Variants in SSBP3 observed in about 807,000 individuals in gnomAD.
SSBP3 encodes single-stranded DNA-binding protein 3.
Under a neutral mutation model 69.6 loss-of-function variants are expected in SSBP3, and 5 were observed. The observed-to-expected ratio is 0.07, with a 90% confidence interval of 0.04 to 0.15. SSBP3 has a LOEUF of 0.15. SSBP3 is among the 10% of genes least tolerant of loss of function. SSBP3 has a pLI of 1.00. For missense variants in SSBP3, 312 were observed against 534.0 expected (o/e 0.58, Z 4.10); for synonymous variants, 196 against 193.4 (o/e 1.01, Z -0.11).
intron 13 of SSBP3, 72 bp from the exon 14 acceptor site, chr1:54,239,271 G>T (rs1310981174): frequency 8.3e-7 from 1 of 1,198,088 alleles, no homozygotes; most frequent in Non-Finnish European, 1.2e-6. Flanking sequence ...TCATGGCACT[G>T]GAACTCATTC....
chr1:54,247,895 G>A (rs999466220), intron 9 of SSBP3, among the ~76,000 whole-genome samples: 1 of 152,224 alleles, frequency 6.6e-6, no homozygotes, highest in Non-Finnish European at 1.5e-5. Context: ...TTAGAAAGAA[G>A]AGTTCTAAGT....
chr1:54,242,324 T>C, intron 10 of SSBP3, 112 bp from the exon 11 acceptor site: 1 of 1,293,850 alleles, frequency 7.7e-7, no homozygotes, highest in Non-Finnish European at 1.1e-6. Flanking sequence ...AAGTCCTTCC[T>C]ACAGCCCTGC....
intron 4 of SSBP3, among the ~76,000 whole-genome samples, chr1:54,332,605 A>C (rs552743171): frequency 1.1e-3 from 162 of 152,280 alleles, no homozygotes; most frequent in Non-Finnish European, 2.0e-3. Flanking sequence ...CTAAGAAGTC[A>C]CTTCACCTTC....
chr1:54,372,768 A>G (rs868005256), intron 4 of SSBP3, among the ~76,000 whole-genome samples: 6 of 152,150 alleles, frequency 3.9e-5, no homozygotes, highest in Middle Eastern at 3.2e-3. Context: ...TTGCTAGTGT[A>G]TACCTGTACC....
At chr1:54,226,137 G>A (rs973939380) in exon 18 of SSBP3, 13 of 152,306 alleles carry the variant, frequency 8.5e-5, no homozygotes, top group African/African-American at 3.1e-4. Context: ...CTCTGCGCCA[G>A]GCCACCACCC....
chr1:54,339,814 G>A (rs1436004955), intron 4 of SSBP3, among the ~76,000 whole-genome samples: 1 of 152,188 alleles, frequency 6.6e-6, no homozygotes, highest in Admixed American at 6.5e-5. Context: ...TTGGGAGGCT[G>A]AGGGTAGGAG....
intron 4 of SSBP3, among the ~76,000 whole-genome samples, chr1:54,393,758 CTTTATTTT>C (rs1477427499): frequency 2.0e-5 from 3 of 152,102 alleles, no homozygotes; most frequent in Non-Finnish European, 2.9e-5. Context: ...TAAAGGCATA[CTTTATTTT>C]TTTATTTTTT....
chr1:54,261,203 T>C lies in SSBP3; in HGVS notation c.367-3054A>G, dbSNP rs554339790. On this transcript the variant is annotated intron_variant, in intron 5 of 17. Transcript: ENST00000610401. ...TCTCACGGGCAGAGATCCGTGTTTG[T>C]GGAAGCATTTGCTTCTGCAAGGAAC... Among the ~76,000 whole-genome samples, 5 of 152,358 alleles carry C rather than the reference T, an allele frequency of 3.3e-5. No homozygotes were observed. The South Asian group carries it at 8.3e-4, about 25-fold the overall frequency.
intron 4 of SSBP3, among the ~76,000 whole-genome samples, chr1:54,342,136 C>A (rs946083811): frequency 1.3e-5 from 2 of 152,208 alleles, no homozygotes; most frequent in African/African-American, 4.8e-5. Context: ...ACTGATGGCC[C>A]AAGGCACAGG....
rs563113283 is a variant in SSBP3, at chr1:54,243,222, G to A, written c.716+13C>T. On this transcript the variant is annotated intron_variant, in intron 10 of 17. Transcript: ENST00000610401. ...TGGACTCTGAGCCACGGGCCGGGTC[G>A]TTTTTGCCTTACATGTTAATCCCGG... 56 of 1,613,500 alleles carry A rather than the reference G, an allele frequency of 3.5e-5. No homozygotes were observed. In the South Asian group the frequency reaches 4.8e-4, roughly 14 times the overall value.
At chr1:54,328,037 T>C (rs553376335) in intron 4 of SSBP3, among the ~76,000 whole-genome samples, 66 of 152,222 alleles carry the variant, frequency 4.3e-4, no homozygotes, top group South Asian at 3.1e-3. Context: ...CTCAAAATGG[T>C]TGATAGGGAA....
intron 10 of SSBP3, 150 bp from the exon 11 acceptor site, chr1:54,242,362 T>TA: frequency 1.3e-6 from 1 of 751,098 alleles, no homozygotes; most frequent in Non-Finnish European, 2.2e-6. Context: ...CTCAGGGCAG[T>TA]AATGGGTAAC....
At chr1:54,404,167 C>G (rs559316764) in intron 3 of SSBP3, among the ~76,000 whole-genome samples, 13 of 151,816 alleles carry the variant, frequency 8.6e-5, no homozygotes, top group Non-Finnish European at 1.9e-4. Context: ...TGTGAGCTCC[C>G]GAGGAGAAAA....
chr1:54,281,968 C>T (rs1003294940), intron 4 of SSBP3, among the ~76,000 whole-genome samples: 5 of 151,944 alleles, frequency 3.3e-5, no homozygotes, highest in South Asian at 2.1e-4. Flanking sequence ...CAGTGGCATA[C>T]GCCTGTAGTT....
intron 9 of SSBP3, among the ~76,000 whole-genome samples, chr1:54,245,308 G>A (rs1243696573): frequency 2.0e-5 from 3 of 152,156 alleles, no homozygotes; most frequent in East Asian, 1.9e-4. Context: ...AAGGTCTGAG[G>A]GAGAAAGTTT....
intron 4 of SSBP3, among the ~76,000 whole-genome samples, chr1:54,290,539 G>A (rs1397582067): frequency 6.6e-6 from 1 of 152,238 alleles, no homozygotes; most frequent in Non-Finnish European, 1.5e-5. Context: ...AGGAGGAAGT[G>A]AATTCCCTGG....
intron 4 of SSBP3, among the ~76,000 whole-genome samples, chr1:54,283,811 C>T (rs956035384): frequency 7.2e-5 from 11 of 152,334 alleles, no homozygotes; most frequent in Admixed American, 3.9e-4. Flanking sequence ...TCACAGGCCC[C>T]TGCCTTGCCC....
intron 4 of SSBP3, chr1:54,286,973 C>T (rs900553172): frequency 2.0e-5 from 3 of 152,258 alleles, no homozygotes; most frequent in East Asian, 1.9e-4. Context: ...TCTCATCCCA[C>T]CCTGAGAGAG....
intron 5 of SSBP3, among the ~76,000 whole-genome samples, chr1:54,277,775 C>T (rs1282353758): frequency 6.6e-6 from 1 of 152,168 alleles, no homozygotes; most frequent in East Asian, 1.9e-4. Context: ...TGGACAGTGC[C>T]CTCCTTAGGA....
Sources: allele counts gnomAD v4.1 joint callset (sites outside exome capture counted in the v4.1 genomes callset), GRCh38; gene constraint gnomAD v4.1.1; transcripts MANE v1.5; gene names NCBI Gene and HGNC (gene_info 2026-07-23, HGNC 2026-07-21).